The following PRKG1 variants were observed in gnomAD, a reference collection of about 807,000 sequenced individuals.
PRKG1 encodes the protein cGMP-dependent protein kinase 1.
Under a neutral mutation model 88.1 loss-of-function variants are expected in PRKG1, and 35 were observed. The observed-to-expected ratio is 0.40, with a 90% CI of 0.30 to 0.53. The LOEUF (loss-of-function observed/expected upper bound fraction) is 0.53, where lower values mean the gene tolerates loss of function less well. PRKG1 is among the 20% of genes least tolerant of loss of function. PRKG1 has a pLI of 0.59. For synonymous variants in PRKG1, 303 were observed against 292.5 expected (o/e 1.04, Z -0.37); for missense variants, 540 against 839.8 (o/e 0.64, Z 4.41).
intron 3 of PRKG1, among the ~76,000 whole-genome samples, chr10:51,577,833 T>A (rs1328073857): frequency 6.6e-6 from 1 of 152,118 alleles, no homozygotes; most frequent in Non-Finnish European, 1.5e-5. Flanking sequence ...ATTGGTTACT[T>A]ACTTAGTCCC....
chr10:51,235,663 TAC>T (rs772841284), intron 2 of PRKG1, among the ~76,000 whole-genome samples: 3 of 152,184 alleles, frequency 2.0e-5, no homozygotes, highest in Non-Finnish European at 4.4e-5. Context: ...CTGTTTTTGT[TAC>T]ACAGAGATTT....
At chr10:52,099,021 A>T (rs191966216) in intron 7 of PRKG1, among the ~76,000 whole-genome samples, 1 of 152,338 alleles carries the variant, frequency 6.6e-6, no homozygotes, top group Non-Finnish European at 1.5e-5. Context: ...TAATTAGCTT[A>T]ATCTTCTTTG....
At chr10:52,128,431 A>G (rs1837161727) in intron 7 of PRKG1, 1 of 985,342 alleles carries the variant, frequency 1.0e-6, no homozygotes, top group Admixed American at 6.2e-5. Flanking sequence ...GTTTAGAACC[A>G]GAAGAGCCGA....
At chr10:51,017,324 T>C (rs1316765169) in intron 1 of PRKG1, among the ~76,000 whole-genome samples, 2 of 152,198 alleles carry the variant, frequency 1.3e-5, no homozygotes, top group African/African-American at 4.8e-5. Context: ...GCCTGTCTTC[T>C]CAATTCCACT....
At chr10:51,043,320 T>C (rs941944329) in intron 1 of PRKG1, among the ~76,000 whole-genome samples, 2 of 152,168 alleles carry the variant, frequency 1.3e-5, no homozygotes, top group African/African-American at 4.8e-5. Flanking sequence ...TGAATACCTG[T>C]TTCATAAGGT....
chr10:52,286,709 G>A (rs138216567), intron 14 of PRKG1, among the ~76,000 whole-genome samples: 1 of 151,632 alleles, frequency 6.6e-6, no homozygotes, highest in East Asian at 1.9e-4. Flanking sequence ...CATTACAGAA[G>A]AGAAATCTCT....
chr10:51,066,077 C>T (rs901490668), intron 1 of PRKG1, among the ~76,000 whole-genome samples: 7 of 151,848 alleles, frequency 4.6e-5, no homozygotes, highest in Non-Finnish European at 1.0e-4. Flanking sequence ...GAGAATAGGT[C>T]TTCACGGGCA....
rs942350128 is a variant in PRKG1, at chr10:51,074,769, C to G, written c.179C>G (p.Ala60Gly). 3.7e-6 allele frequency: 6 copies of G among 1,614,060 alleles called. No homozygotes were observed. The highest frequency in any genetic ancestry group is 5.1e-6 in the Non-Finnish European group (6 of 1,179,956). Reference protein sequence around the residue: ...RSVIRPATQQAQKQSASTLQG... With the variant: ...RSVIRPATQQGQKQSASTLQG... Reference sequence around the variant, plus strand: ...GTGATCCGACCAGCCACCCAGCAGGCGCAGAAGCAGAGCGCGAGCACCTTG... The same window carrying G: ...GTGATCCGACCAGCCACCCAGCAGGGGCAGAAGCAGAGCGCGAGCACCTTG... The change falls in exon 1 of 18, where the codon GCG (alanine) becomes GGG (glycine). Residue 60 changes from alanine to glycine, a missense_variant. Transcript: ENST00000373980.
intron 5 of PRKG1, among the ~76,000 whole-genome samples, chr10:51,923,793 A>C (rs1463365612): frequency 6.6e-6 from 1 of 151,940 alleles, no homozygotes. Context: ...AATAAGAAAA[A>C]TAAATGAATT....
intron 8 of PRKG1, among the ~76,000 whole-genome samples, chr10:52,148,080 T>C (rs74135178): frequency 0.034 from 5,171 of 152,308 alleles, 327 homozygotes; most frequent in African/African-American, 0.12. Context: ...ATGTAAGAAC[T>C]AAGTTCTAAT....
chr10:52,289,580 A>T (rs1842194622), intron 16 of PRKG1, among the ~76,000 whole-genome samples: 1 of 152,180 alleles, frequency 6.6e-6, no homozygotes, highest in African/African-American at 2.4e-5. Flanking sequence ...AATATCTCTG[A>T]ATATCTGAAA....
chr10:51,579,995 C>G (rs541207290), intron 3 of PRKG1, among the ~76,000 whole-genome samples: 12 of 152,250 alleles, frequency 7.9e-5, no homozygotes, highest in African/African-American at 2.9e-4. Flanking sequence ...ATTCTTCTCT[C>G]TCTACCTCTC....
At chr10:52,067,933 A>C (rs10824013) in intron 7 of PRKG1, among the ~76,000 whole-genome samples, 1 of 124,262 alleles carries the variant, frequency 8.0e-6, no homozygotes, top group African/African-American at 2.5e-5. Flanking sequence ...GGCCGGGCGC[A>C]GTGGCTCACG....
chr10:51,858,803 C>G (rs1032506384), intron 4 of PRKG1, among the ~76,000 whole-genome samples: 2 of 152,102 alleles, frequency 1.3e-5, no homozygotes, highest in Non-Finnish European at 1.5e-5. Context: ...CAAACCTGCT[C>G]TGGGCTACAG....
rs537136977 is a variant in PRKG1, at chr10:52,296,441, A to C, written c.*2541A>C. 1 of 152,084 alleles carries C rather than the reference A, an allele frequency of 6.6e-6. No individual in the cohort carries two copies. The highest frequency in any genetic ancestry group is 2.4e-5 in the African/African-American group (1 of 41,450). 9.4% of individuals were successfully genotyped at this position (152,084 alleles called of 1,614,324 possible). ...TACATCTTCCAAGATGTACCAACAG[A>C]AAACATTCGTCTAATTTTGTCAACA... On this transcript the variant is annotated 3_prime_UTR_variant, in exon 18 of 18. Transcript: ENST00000373980.
At chr10:51,144,443 C>T (rs1845892418) in intron 1 of PRKG1, among the ~76,000 whole-genome samples, 1 of 151,964 alleles carries the variant, frequency 6.6e-6, no homozygotes, top group Non-Finnish European at 1.5e-5. Context: ...TGAGGGAAGG[C>T]TCTTTGTACA....
intron 5 of PRKG1, among the ~76,000 whole-genome samples, chr10:51,944,507 T>C (rs1842981476): frequency 6.6e-6 from 1 of 152,060 alleles, no homozygotes; most frequent in Non-Finnish European, 1.5e-5. Context: ...CTTTTGAATG[T>C]GTTTGCTCTT....
intron 2 of PRKG1, among the ~76,000 whole-genome samples, chr10:51,390,726 A>G (rs910364790): frequency 1.3e-5 from 2 of 152,208 alleles, no homozygotes; most frequent in Admixed American, 6.5e-5. Context: ...AGGGACTCAC[A>G]TTTATTCAGG....
At chr10:51,770,059 C>G (rs1326820500) in intron 3 of PRKG1, among the ~76,000 whole-genome samples, 1 of 152,192 alleles carries the variant, frequency 6.6e-6, no homozygotes, top group Non-Finnish European at 1.5e-5. Context: ...TCAAATGCCT[C>G]TTAAAATATC....
Sources: gnomAD v4.1 joint callset for allele counts (sites outside exome capture counted in the v4.1 genomes callset) on GRCh38, gnomAD v4.1.1 for gene constraint, MANE v1.5 for transcripts, NCBI Gene and HGNC (gene_info 2026-07-23, HGNC 2026-07-21) for gene names.